The following PPP2R2D variants were observed in gnomAD, a reference collection of about 807,000 sequenced individuals.
PPP2R2D encodes protein phosphatase 2 regulatory subunit Bdelta, also known as serine/threonine-protein phosphatase 2A 55 kDa regulatory subunit B delta isoform.
PPP2R2D carries 9 observed loss-of-function variants against 31.1 expected under a neutral mutation model. That is an observed-to-expected ratio of 0.29 (90% CI 0.17 to 0.51). The LOEUF is 0.51. Ranked by LOEUF, PPP2R2D falls within the 20% of genes least tolerant of loss-of-function variation. The pLI, the probability that PPP2R2D is intolerant of heterozygous loss-of-function variation, is 0.98. For missense variants in PPP2R2D, 391 were observed against 465.6 expected, an observed-to-expected ratio of 0.84 and a Z score of 1.48; for synonymous variants, 179 against 172.6, an observed-to-expected ratio of 1.04 and a Z score of -0.29.
At position 131,943,984 on chromosome 10, in the gene PPP2R2D, C is replaced by G. The variant is rs782542034; in HGVS notation, c.494C>G (p.Pro165Arg). 3 of 966,800 alleles carry G rather than the reference C, an allele frequency of 3.1e-6. No individual in the cohort carries two copies. Among genetic ancestry groups the G allele is most frequent in the Non-Finnish European group, 5.1e-6 (3 of 589,224 alleles). 59.9% of individuals were successfully genotyped at this position (966,800 alleles called of 1,614,324 possible). A position where few individuals can be genotyped will look rare whatever the true frequency, so the allele number is the denominator to read the frequency against. ...CATTTTTAGGTCCCAATATTGAAGC[C>G]CATGGATCTTATGGTAGAAGCGAGT... ...ITALRVPILK[P>R]MDLMVEASPR... Residue 165 changes from proline to arginine, a missense_variant, in exon 6 of 9, where the codon CCC (proline) becomes CGC (arginine). Coordinates refer to ENST00000455566, the MANE Select transcript of PPP2R2D (RefSeq NM_018461.5).
chr10:131,902,174 T>A (rs1387956125), intron 2 of PPP2R2D, among the ~76,000 whole-genome samples: 3 of 152,146 alleles, frequency 2.0e-5, no homozygotes, highest in Non-Finnish European at 4.4e-5. Context: ...GTCTTAGAAG[T>A]TTGATTAATA....
At position 131,956,678 on chromosome 10, in the gene PPP2R2D, C is replaced by G. The variant is rs905854599; in HGVS notation, c.*715C>G. The G allele has an allele frequency of 1.8e-6, 1 of 558,440 alleles. No homozygotes were observed. Among genetic ancestry groups the G allele is most frequent in the Non-Finnish European group, 2.3e-6 (1 of 440,016 alleles). The allele number at this position is 558,440 out of a possible 1,614,324, so 34.6% of individuals were successfully genotyped here. On this transcript the variant is annotated 3_prime_UTR_variant, in exon 9 of 9. Transcript: ENST00000455566. ...GCGTGGGGGTATGTGTGCAGCATTT[C>G]TGTCCCCAAGCTGCTGCCCGCTGTG... is the stretch of plus-strand genomic sequence containing the variant.
In PPP2R2D at chr10:131,958,390, C is replaced by T. The variant is rs192520479; in HGVS notation, c.*2427C>T. 1 of 184,624 alleles carries T rather than the reference C, an allele frequency of 5.4e-6. No individual in the cohort carries two copies. 11.4% of individuals were successfully genotyped at this position (184,624 alleles called of 1,614,324 possible). On this transcript the variant is annotated 3_prime_UTR_variant, in exon 9 of 9. Coordinates refer to ENST00000455566, the MANE Select transcript of PPP2R2D (RefSeq NM_018461.5). ...GAGATGAAGGTGTGTGCTGATTCCT[C>T]ATGCCCCTGTGGAGATGGAGGTGTG...
intron 8 of PPP2R2D, among the ~76,000 whole-genome samples, chr10:131,951,810 A>T (rs1241736804): frequency 6.6e-6 from 1 of 151,892 alleles, no homozygotes; most frequent in Non-Finnish European, 1.5e-5. Context: ...ATAGAGTGAG[A>T]CTCTGTCTCA....
rs189592170 is a variant in PPP2R2D at position 131,940,183 on chromosome 10, A to G, written c.351A>G (p.Leu117=). The stretch of plus-strand genomic sequence containing the variant: ...CACAACAGAATGCTGCTCATTTTCT[A>G]CTGTCTACAAATGGTAAGAATTGTG... The part of the protein sequence containing the change: ...WLPQQNAAHF[L]LSTNDKTIKL... Residue 117 remains leucine (L), a synonymous_variant, in exon 4 of 9, where the codon CTA becomes CTG. Coordinates refer to ENST00000455566, the MANE Select transcript of PPP2R2D (RefSeq NM_018461.5). The G allele has an allele frequency of 3.0e-5, 23 of 758,498 alleles. No individual in the cohort carries two copies. The highest frequency in any genetic ancestry group is 4.9e-5 in the East Asian group (2 of 41,104). The allele number at this position is 758,498 out of a possible 1,614,324, so 47.0% of individuals were successfully genotyped here.
chr10:131,955,387 A>G lies in PPP2R2D; in HGVS notation c.1083-297A>G, dbSNP rs574480712. ...TTAAAAATAAACTGTGCTGTTATTC[A>G]TGAGTGAGATAAATAGGTGGGGTTG... On this transcript the variant is annotated intron_variant, in intron 8 of 8. Transcript: ENST00000455566. Among the ~76,000 whole-genome samples the G allele has an allele frequency of 5.3e-5, 8 of 152,354 alleles. No individual in the cohort carries two copies. The South Asian group carries it at 1.7e-3, about 32-fold the overall frequency.
chr10:131,932,387 A>C (rs2036251589), intron 2 of PPP2R2D, among the ~76,000 whole-genome samples: 1 of 152,112 alleles, frequency 6.6e-6, no homozygotes, highest in African/African-American at 2.4e-5. Flanking sequence ...AGTTTAAAAT[A>C]CCTAACTCAC....
At chr10:131,905,104 A>T (rs1256590077) in intron 2 of PPP2R2D, among the ~76,000 whole-genome samples, 1 of 152,014 alleles carries the variant, frequency 6.6e-6, no homozygotes. Context: ...AGCTGAGCTC[A>T]CAAGGAAGTT....
chr10:131,902,039 T>C (rs2035508823), intron 2 of PPP2R2D, among the ~76,000 whole-genome samples: 1 of 152,202 alleles, frequency 6.6e-6, no homozygotes, highest in Admixed American at 6.5e-5. Context: ...CACAAAGTTT[T>C]AGGGTGGTGG....
chr10:131,964,454 A>G (rs1228934332), downstream of PPP2R2D, among the ~76,000 whole-genome samples: 1 of 151,734 alleles, frequency 6.6e-6, no homozygotes, highest in Non-Finnish European at 1.5e-5. Context: ...ACTTGGAAAG[A>G]CACACTCCCC....
At chr10:131,932,627 A>C (rs2036257346) in intron 2 of PPP2R2D, among the ~76,000 whole-genome samples, 1 of 120,558 alleles carries the variant, frequency 8.3e-6, no homozygotes, top group Admixed American at 1.1e-4. Context: ...AGATCGCGCC[A>C]CTGTACTCCA....
chr10:131,936,575 AT>A (rs558477457), intron 3 of PPP2R2D, among the ~76,000 whole-genome samples: 4 of 152,254 alleles, frequency 2.6e-5, no homozygotes, highest in South Asian at 4.1e-4. Flanking sequence ...TGCCTAACAG[AT>A]TTTAGGTTAG....
At chr10:131,960,932 C>T (rs1187764203), downstream of PPP2R2D, among the ~76,000 whole-genome samples, 3 of 152,172 alleles carry the variant, frequency 2.0e-5, no homozygotes, top group African/African-American at 7.2e-5. Context: ...TGGCTCTGCT[C>T]GTCCTGGGCT....
chr10:131,903,199 G>T (rs1245014141), intron 2 of PPP2R2D, among the ~76,000 whole-genome samples: 1 of 152,136 alleles, frequency 6.6e-6, no homozygotes, highest in Non-Finnish European at 1.5e-5. Flanking sequence ...GGGTGTTGTG[G>T]CTCATGCCTA....
the PPP2R2D span, chr10:131,968,450 A>ACAGCT: frequency 7.9e-7 from 1 of 1,271,322 alleles, no homozygotes; most frequent in Non-Finnish European, 1.1e-6. Flanking sequence ...CCAGGATCTA[A>ACAGCT]CAGCTCTTCA....
chr10:131,964,945 C>T, the PPP2R2D span, among the ~76,000 whole-genome samples: 9 of 152,240 alleles, frequency 5.9e-5, no homozygotes, highest in South Asian at 6.2e-4. Flanking sequence ...CTTTCCACCC[C>T]GGGGTAACCA....
the PPP2R2D span, chr10:131,967,451 A>C: frequency 6.6e-6 from 1 of 152,258 alleles, no homozygotes; most frequent in African/African-American, 2.4e-5. Context: ...CACATTCTCC[A>C]AATGTAAGAC....
chr10:131,926,130 C>T lies in PPP2R2D; in HGVS notation c.101-8328C>T, dbSNP rs186520863. ...GTGTATTGCATTTGGCTGTCTCCTG[C>T]CTCTATCAGTAATTCGGATAAACTC... On this transcript the variant is annotated intron_variant, in intron 2 of 8. Coordinates refer to ENST00000455566, the MANE Select transcript of PPP2R2D (RefSeq NM_018461.5). 2.6e-3 allele frequency among the ~76,000 whole-genome samples: 403 copies of T among 152,298 alleles called. 5 individuals carry two copies. Among genetic ancestry groups the T allele is most frequent in the African/African-American group, 9.1e-3 (380 of 41,542 alleles).
the PPP2R2D span, chr10:131,968,706 G>T: frequency 1.6e-6 from 1 of 632,582 alleles, no homozygotes; most frequent in Non-Finnish European, 2.8e-6. Flanking sequence ...TAAAAATTTT[G>T]TAATGAATCT....
Sources: allele counts gnomAD v4.1 joint callset (sites outside exome capture counted in the v4.1 genomes callset), GRCh38; gene constraint gnomAD v4.1.1; transcripts MANE v1.5; gene names NCBI Gene and HGNC (gene_info 2026-07-23, HGNC 2026-07-21).